The following POLA1 variants were observed in gnomAD, a reference collection of about 807,000 sequenced individuals.
POLA1 encodes the protein DNA polymerase alpha catalytic subunit.
In POLA1, 15 loss-of-function variants were observed where a neutral mutation model predicts 124.0. That is an observed-to-expected ratio of 0.12 (90% CI 0.08 to 0.19). POLA1 has a LOEUF of 0.19. Among genes scored for constraint, POLA1 ranks in the 10% least tolerant of loss-of-function variants. The pLI, the probability that POLA1 is intolerant of heterozygous loss-of-function variation, is 1.00. For synonymous variants in POLA1, 408 were observed against 389.4 expected, an observed-to-expected ratio of 1.05 and a Z score of -0.56; for missense variants, 886 against 1,103.4, an observed-to-expected ratio of 0.80 and a Z score of 2.79.
rs6653709 is a variant in POLA1 at position 24,873,866 on chromosome X, A to G, written c.4048-14140A>G. Among the ~76,000 whole-genome samples the G allele has an allele frequency of 2.6e-3, 292 of 112,081 alleles. 1 individual carries two copies. The highest frequency in any genetic ancestry group is 9.0e-3 in the African/African-American group (278 of 30,946). ...TTTTATTCTGTAATGAGTGTTAAAA[A>G]TACCACTAAACTATTTTATAGTCTC... On this transcript the variant is annotated intron_variant, in intron 34 of 36. Transcript: ENST00000379068.
chrX:24,793,508 T>G (rs1323283854), intron 26 of POLA1, among the ~76,000 whole-genome samples: 1 of 111,394 alleles, frequency 9.0e-6, no homozygotes, highest in Non-Finnish European at 1.9e-5. Flanking sequence ...TGTGGGCAAT[T>G]ATAGTGAAAT....
In POLA1 at chrX:24,733,766, C is replaced by A; in HGVS notation, c.1783C>A (p.Pro595Thr). Residue 595 changes from proline (P) to threonine (T), a missense_variant, in exon 17 of 37, where the codon CCA becomes ACA. Physicochemically the swap from Pro to Thr is conservative, Grantham distance 38. This residue lies in a region of POLA1 where 337 missense variants were observed against 402.8 expected (regional missense o/e 0.84). Transcript: ENST00000379068. Reference sequence around the variant, plus strand: ...TTTCCTTTTTACAGTTGTGTCTAAACCAAAGGACTGTATTTTTCCATATGC... The same window carrying A: ...TTTCCTTTTTACAGTTGTGTCTAAAACAAAGGACTGTATTTTTCCATATGC... Reference protein sequence around the residue: ...FQSHFCVVSKPKDCIFPYAFK... With the variant: ...FQSHFCVVSKTKDCIFPYAFK... The A allele has an allele frequency of 8.8e-7, 1 of 1,132,911 alleles. No homozygotes were observed. Among genetic ancestry groups the A allele is most frequent in the Non-Finnish European group, 1.2e-6 (1 of 833,095 alleles). The allele number at this position is 1,132,911 out of a possible 1,213,427, so 93.4% of individuals were successfully genotyped here.
intron 36 of POLA1, among the ~76,000 whole-genome samples, chrX:24,942,257 G>T (rs1024518690): frequency 1.8e-5 from 2 of 112,205 alleles, no homozygotes; most frequent in Non-Finnish European, 1.9e-5. Flanking sequence ...ACCCCAAAAG[G>T]ATGAAATGAC....
chrX:24,830,571 A>C (rs764267592), intron 32 of POLA1, among the ~76,000 whole-genome samples: 2 of 112,137 alleles, frequency 1.8e-5, no homozygotes, highest in Non-Finnish European at 3.8e-5. Flanking sequence ...ATAGGAAAAA[A>C]TATAGTATTA....
chrX:24,882,684 G>GAT (rs1556015390), intron 34 of POLA1, among the ~76,000 whole-genome samples: 1 of 87,610 alleles, frequency 1.1e-5, no homozygotes, highest in Non-Finnish European at 2.2e-5. Context: ...TATATTCCAT[G>GAT]GTGTGTGTGT....
chrX:24,722,316 A>G (rs897749407), intron 10 of POLA1, among the ~76,000 whole-genome samples: 13 of 111,857 alleles, frequency 1.2e-4, no homozygotes, highest in Non-Finnish European at 1.7e-4. Flanking sequence ...TTCGTGGCCA[A>G]TTTTCATAAA....
chrX:24,906,012 T>A (rs2047361330), intron 35 of POLA1, among the ~76,000 whole-genome samples: 1 of 112,203 alleles, frequency 8.9e-6, no homozygotes, highest in East Asian at 2.8e-4. Context: ...AATAAATAGA[T>A]GTTGGCATGG....
intron 36 of POLA1, among the ~76,000 whole-genome samples, chrX:24,952,053 T>C (rs955109282): frequency 7.2e-5 from 8 of 111,717 alleles, no homozygotes; most frequent in Non-Finnish European, 1.3e-4. Flanking sequence ...CGAGGAGTCC[T>C]GAGTGCTTTG....
intron 33 of POLA1, among the ~76,000 whole-genome samples, chrX:24,842,167 CT>C (rs2046418765): frequency 2.7e-5 from 3 of 111,923 alleles, no homozygotes; most frequent in Non-Finnish European, 5.6e-5. Flanking sequence ...CAACCCCCAT[CT>C]ATTAAGACTT....
chrX:24,803,930 T>TAAAAAA lies in POLA1; in HGVS notation c.2965-5942_2965-5937dup, dbSNP rs34721601. ...GTGCTCTGATTTCAGACCCTAGACT[T>TAAAAAA]AAAAAAAAAAAAAAAAAAAAAAAAA... On this transcript the variant is annotated intron_variant, in intron 26 of 36. Coordinates refer to ENST00000379068, the MANE Select transcript of POLA1 (RefSeq NM_001330360.2). Among the ~76,000 whole-genome samples, 49 of 13,839 alleles carry TAAAAAA rather than the reference T, an allele frequency of 3.5e-3. 2 individuals are homozygous for TAAAAAA. The highest frequency in any genetic ancestry group is 0.013 in the African/African-American group (43 of 3,386). The allele number at this position is 13,839 out of a possible 115,157, so 12.0% of individuals were successfully genotyped here. A position where few individuals can be genotyped will look rare whatever the true frequency, so the allele number is the denominator to read the frequency against.
At chrX:24,754,035 A>G (rs970768916) in intron 26 of POLA1, among the ~76,000 whole-genome samples, 2 of 111,408 alleles carry the variant, frequency 1.8e-5, no homozygotes, top group Non-Finnish European at 3.8e-5. Context: ...AATCTTGGCA[A>G]GCCTTTCTGG....
intron 18 of POLA1, among the ~76,000 whole-genome samples, chrX:24,736,309 G>A (rs1931271418): frequency 9.0e-6 from 1 of 111,670 alleles, no homozygotes; most frequent in Admixed American, 9.5e-5. Context: ...GATAGGAAGC[G>A]ATATCTCTGC....
rs759478042 is a variant in POLA1, at chrX:24,989,698, A to G, written c.4262-6107A>G. Among the ~76,000 whole-genome samples the G allele has an allele frequency of 3.7e-5, 4 of 109,285 alleles. No individual in the cohort carries two copies. The East Asian group carries it at 1.2e-3, about 31-fold the overall frequency. 94.9% of individuals were successfully genotyped at this position (109,285 alleles called of 115,157 possible). On this transcript the variant is annotated intron_variant, in intron 36 of 36. Transcript: ENST00000379068. ...TCCCATTGGCTTTGATTAAATTACA[A>G]GCTTCTGTGTAGAATGCCGTGAAAG...
intron 26 of POLA1, chrX:24,789,112 C>A (rs776177627): frequency 2.6e-6 from 3 of 1,132,131 alleles, no homozygotes; most frequent in South Asian, 1.8e-5. Flanking sequence ...CAGAAAGAGC[C>A]CACTTTTACT....
intron 36 of POLA1, among the ~76,000 whole-genome samples, chrX:24,972,909 A>G (rs888738899): frequency 8.9e-6 from 1 of 112,603 alleles, no homozygotes; most frequent in African/African-American, 3.2e-5. Context: ...ATGGTTGACA[A>G]GGCACCCAGT....
intron 34 of POLA1, among the ~76,000 whole-genome samples, chrX:24,866,293 G>A (rs759168810): frequency 4.5e-5 from 5 of 111,820 alleles, no homozygotes; most frequent in South Asian, 3.8e-4. Flanking sequence ...TTAGTGGCCC[G>A]TAGCTTACCA....
At chrX:24,956,298 A>T (rs1481400832) in intron 36 of POLA1, among the ~76,000 whole-genome samples, 1 of 109,515 alleles carries the variant, frequency 9.1e-6, no homozygotes, top group Non-Finnish European at 1.9e-5. Flanking sequence ...GTCTTTAAAA[A>T]AATCAACAAA....
In POLA1 at chrX:24,812,747, G is replaced by C. The variant is rs367896351; in HGVS notation, c.3180G>C (p.Lys1060Asn). 1 of 1,197,647 alleles carries C rather than the reference G, an allele frequency of 8.3e-7. No individual in the cohort carries two copies. The highest frequency in any genetic ancestry group is 1.8e-5 in the South Asian group (1 of 56,512). The change falls in exon 29 of 37, where the codon AAG becomes AAC. Residue 1060 changes from lysine (K) to asparagine (N), a missense_variant. Around this residue, in one of 7 missense-constraint regions of POLA1, gnomAD observed 313 missense variants for 359.7 expected, o/e 0.87. Coordinates refer to ENST00000379068, the MANE Select transcript of POLA1 (RefSeq NM_001330360.2). ...CTCTGCTACTGCTGAAAAAAAAGAA[G>C]TACGCTGCTCTGGTTGTTGAGCCAA... ...FKSLLLLKKKKYAALVVEPTS... is the reference protein window; with the variant it reads ...FKSLLLLKKKNYAALVVEPTS...
At chrX:24,886,119 T>G (rs961521327) in intron 34 of POLA1, among the ~76,000 whole-genome samples, 1 of 111,987 alleles carries the variant, frequency 8.9e-6, no homozygotes, top group Non-Finnish European at 1.9e-5. Context: ...CTCTGTATTG[T>G]TAGCATTTAT....
Sources: gnomAD v4.1 joint callset for allele counts (sites outside exome capture counted in the v4.1 genomes callset) on GRCh38, gnomAD v4.1.1 for gene constraint, gnomAD v4.1.1 regional missense constraint, MANE v1.5 for transcripts, NCBI Gene and HGNC (gene_info 2026-07-23, HGNC 2026-07-21) for gene names.